Variants in PPP2R2C observed in about 807,000 individuals in gnomAD.
The protein encoded by PPP2R2C is protein phosphatase 2, regulatory subunit B, gamma.
PPP2R2C carries 10 observed loss-of-function variants against 45.3 expected under a neutral mutation model. The ratio of observed to expected loss-of-function variants is 0.22; its 90% CI spans 0.14 to 0.37. The LOEUF is 0.37. Ranked by LOEUF, PPP2R2C falls within the 10% of genes least tolerant of loss-of-function variation. PPP2R2C has a pLI of 1.00. For missense variants in PPP2R2C, 308 were observed against 619.7 expected (o/e 0.50, Z 5.34); for synonymous variants, 257 against 245.4 (o/e 1.05, Z -0.44).
At chr4:6,506,197 A>G (rs1335294127) in intron 2 of PPP2R2C, among the ~76,000 whole-genome samples, 4 of 152,160 alleles carry the variant, frequency 2.6e-5, no homozygotes, top group Non-Finnish European at 1.5e-5. Flanking sequence ...TGGACAACTG[A>G]TTGAAAGAGG....
At chr4:6,341,019 G>A (rs1398399672) in intron 6 of PPP2R2C, among the ~76,000 whole-genome samples, 2 of 152,246 alleles carry the variant, frequency 1.3e-5, no homozygotes, top group Non-Finnish European at 1.5e-5. Flanking sequence ...AGTGAGCCCT[G>A]GGAGTTGAGC....
At chr4:6,561,906 G>A (rs1029104342) in intron 1 of PPP2R2C, among the ~76,000 whole-genome samples, 1 of 152,186 alleles carries the variant, frequency 6.6e-6, no homozygotes, top group East Asian at 1.9e-4. Flanking sequence ...ACTCACTCAC[G>A]CACTCACTAA....
intron 4 of PPP2R2C, 58 bp downstream of exon 4, chr4:6,375,761 T>G (rs1293751805): frequency 2.9e-5 from 40 of 1,390,938 alleles, no homozygotes; most frequent in Non-Finnish European, 3.5e-5. Context: ...TTTCCAGCCC[T>G]AAAATCCTCA....
chr4:6,463,603 G>A (rs112005742), intron 1 of PPP2R2C, among the ~76,000 whole-genome samples: 1,566 of 152,334 alleles, frequency 0.01, 25 homozygotes, highest in African/African-American at 0.035. Flanking sequence ...CTCCCGGGCC[G>A]GCTGGCAACT....
At chr4:6,344,714 T>C (rs1711666004) in intron 6 of PPP2R2C, among the ~76,000 whole-genome samples, 1 of 152,220 alleles carries the variant, frequency 6.6e-6, no homozygotes, top group Non-Finnish European at 1.5e-5. Context: ...CAGGGACAAC[T>C]TAGTGTATTT....
chr4:6,552,242 T>C (rs1398408014), intron 1 of PPP2R2C, among the ~76,000 whole-genome samples: 1 of 152,222 alleles, frequency 6.6e-6, no homozygotes, highest in Non-Finnish European at 1.5e-5. Flanking sequence ...GTAACACATT[T>C]CCACAACCAT....
intron 1 of PPP2R2C, among the ~76,000 whole-genome samples, chr4:6,444,429 A>C (rs765377234): frequency 3.3e-5 from 5 of 152,166 alleles, no homozygotes; most frequent in Non-Finnish European, 7.3e-5. Flanking sequence ...TTAACAGATA[A>C]GAAGACTGAG....
At position 6,329,914 on chromosome 4, in the gene PPP2R2C, TGGTTCTGGCATTAAGTGCAG is replaced by T. The variant is rs1732273495; in HGVS notation, c.961-581_961-562del. 6.6e-6 allele frequency among the ~76,000 whole-genome samples: 1 copy of T among 152,114 alleles called. No homozygotes were observed. The highest frequency in any genetic ancestry group is 1.5e-5 in the Non-Finnish European group (1 of 68,014). On this transcript the variant is annotated intron_variant, in intron 7 of 8. Coordinates refer to ENST00000382599, the MANE Select transcript of PPP2R2C (RefSeq NM_020416.4). The surrounding 1 kb of genome is among the most constrained non-coding windows in gnomAD (Gnocchi z 5.8). Reference sequence around the variant, plus strand: ...AGTGATAAGAGGGCGAACCTCACAGTGGTTCTGGCATTAAGTGCAGGGCAGGCCTTTTGAGGGTAATGATC... The same window carrying T: ...AGTGATAAGAGGGCGAACCTCACAGTGGCAGGCCTTTTGAGGGTAATGATC...
intron 2 of PPP2R2C, 43 bp downstream of exon 2, chr4:6,380,954 C>T (rs754484603): frequency 4.8e-6 from 7 of 1,466,880 alleles, no homozygotes; most frequent in Admixed American, 2.5e-5. Flanking sequence ...CCTGACTCTG[C>T]TCCCCACCCC....
chr4:6,456,721 C>T (rs1265995867), intron 1 of PPP2R2C, among the ~76,000 whole-genome samples: 1 of 152,186 alleles, frequency 6.6e-6, no homozygotes, highest in African/African-American at 2.4e-5. Flanking sequence ...CTTCCCACTT[C>T]CACAGTGAGG....
At chr4:6,518,707 G>T (rs1214578617) in intron 2 of PPP2R2C, among the ~76,000 whole-genome samples, 1 of 152,106 alleles carries the variant, frequency 6.6e-6, no homozygotes, top group Non-Finnish European at 1.5e-5. Context: ...TGGCTCATCA[G>T]AGGTCAGGAG....
intron 2 of PPP2R2C, among the ~76,000 whole-genome samples, chr4:6,379,817 A>G (rs1387992362): frequency 2.0e-5 from 3 of 152,148 alleles, no homozygotes; most frequent in African/African-American, 7.2e-5. Flanking sequence ...CTACACCCAC[A>G]GGGTCACCGT....
intron 8 of PPP2R2C, among the ~76,000 whole-genome samples, chr4:6,325,688 C>T (rs996152324): frequency 2.0e-5 from 3 of 152,282 alleles, no homozygotes; most frequent in Admixed American, 6.5e-5. Flanking sequence ...GGGCCCCTCT[C>T]ATCCTAGAGC....
At chr4:6,398,913 A>C (rs1717234203) in intron 1 of PPP2R2C, among the ~76,000 whole-genome samples, 1 of 152,228 alleles carries the variant, frequency 6.6e-6, no homozygotes, top group Non-Finnish European at 1.5e-5. Flanking sequence ...CTCAAAGAAA[A>C]AGGAACAAAT....
At chr4:6,358,817 A>T (rs1462883785) in intron 5 of PPP2R2C, among the ~76,000 whole-genome samples, 1 of 152,232 alleles carries the variant, frequency 6.6e-6, no homozygotes, top group Non-Finnish European at 1.5e-5. Context: ...ACCAGCTACA[A>T]TGGCGATCAT....
chr4:6,383,562 A>C, intron 1 of PPP2R2C: 1 of 638,810 alleles, frequency 1.6e-6, no homozygotes, highest in African/African-American at 1.9e-5. Context: ...GCTCCTTCCT[A>C]TTCTTCCAAT....
chr4:6,378,362 A>G lies in PPP2R2C; in HGVS notation c.334+45T>C, dbSNP rs772759270. ...ATACAAACCAGCATTTGGTAGAAAC[A>G]TCTACGGCCTGTGCCCATGCAAGCG... On this transcript the variant is annotated intron_variant, in intron 3 of 8. Coordinates refer to ENST00000382599, the MANE Select transcript of PPP2R2C (RefSeq NM_020416.4). The surrounding 1 kb of genome is among the most constrained non-coding windows in gnomAD (Gnocchi z 5.2). 3.7e-5 allele frequency: 60 copies of G among 1,612,346 alleles called. No homozygotes were observed. Among genetic ancestry groups the G allele is most frequent in the Non-Finnish European group, 4.6e-5 (54 of 1,179,614 alleles).
intron 1 of PPP2R2C, among the ~76,000 whole-genome samples, chr4:6,441,668 T>C (rs1281045197): frequency 6.6e-6 from 1 of 151,954 alleles, no homozygotes; most frequent in East Asian, 1.9e-4. Flanking sequence ...AGGCCTCTGC[T>C]CCTCTCATGA....
chr4:6,387,534 G>A (rs1422008330), intron 1 of PPP2R2C, among the ~76,000 whole-genome samples: 9 of 152,256 alleles, frequency 5.9e-5, no homozygotes, highest in Non-Finnish European at 5.9e-5. Flanking sequence ...GGGCAGGCCG[G>A]GCACAGTGGC....
Sources: gnomAD v4.1 joint callset for allele counts (sites outside exome capture counted in the v4.1 genomes callset) on GRCh38, gnomAD v4.1.1 for gene constraint, Gnocchi (gnomAD v3.1) non-coding constraint, MANE v1.5 for transcripts, NCBI Gene and HGNC (gene_info 2026-07-23, HGNC 2026-07-21) for gene names.